FCRL2: variants seen among roughly 807,000 people sequenced by gnomAD.
The protein encoded by FCRL2 is Fc receptor like 2, also known as Fc receptor-like protein 2.
In FCRL2, 48 loss-of-function variants were observed where a neutral mutation model predicts 59.8. The ratio of observed to expected loss-of-function variants is 0.80; its 90% confidence interval spans 0.64 to 1.02. FCRL2 has a LOEUF of 1.02. Among genes scored for constraint, FCRL2 ranks in the 50% least tolerant of loss-of-function variants. The pLI is 0.00. For synonymous variants in FCRL2, 251 were observed against 229.5 expected (o/e 1.09, Z -0.85); for missense variants, 658 against 597.3 (o/e 1.10, Z -1.06).
At chr1:157,761,602 T>G (rs1272009592) in intron 7 of FCRL2, among the ~76,000 whole-genome samples, 10 of 152,036 alleles carry the variant, frequency 6.6e-5, no homozygotes, top group Non-Finnish European at 1.5e-5. Context: ...GAGCAAGACC[T>G]TGTCTCCCCC....
At chr1:157,767,846 T>A in intron 5 of FCRL2, 1 of 650,248 alleles carries the variant, frequency 1.5e-6, no homozygotes, top group Non-Finnish European at 2.3e-6. Flanking sequence ...TATAATATTA[T>A]AGTTGTTCCT....
At chr1:157,765,195 G>A (rs946074759) in intron 7 of FCRL2, among the ~76,000 whole-genome samples, 3 of 152,158 alleles carry the variant, frequency 2.0e-5, no homozygotes, top group Non-Finnish European at 4.4e-5. Flanking sequence ...AAAGTCTACA[G>A]GAGATGGATA....
At chr1:157,768,130 C>A (rs563461065) in intron 5 of FCRL2, 21 of 360,896 alleles carry the variant, frequency 5.8e-5, no homozygotes, top group African/African-American at 4.4e-4. Flanking sequence ...CCATGACACT[C>A]CCTGGCCCAG....
chr1:157,773,869 C>A (rs1029303546), intron 2 of FCRL2, among the ~76,000 whole-genome samples: 1 of 152,164 alleles, frequency 6.6e-6, no homozygotes, highest in Non-Finnish European at 1.5e-5. Flanking sequence ...GCTCTACCTG[C>A]AGAGGTGCCC....
In FCRL2 at chr1:157,767,408, G is replaced by A; in HGVS notation, c.985C>T (p.Pro329Ser). 6.2e-7 allele frequency: 1 copy of A among 1,614,226 alleles called. No individual in the cohort carries two copies. The highest frequency in any genetic ancestry group is 8.5e-7 in the Non-Finnish European group (1 of 1,180,034). ...LHCEALRGSP[P>S]ILYQFYHEDV... is the part of the protein sequence containing the mutation. ...TCATGATAAAATTGGTACAAGATTG[G>A]GGGAGAGCCTCTCAGGGCCTCACAG... The change falls in exon 6 of 12, where the codon CCA (proline) becomes TCA (serine). Residue 329 changes from proline to serine, a missense_variant. Transcript: ENST00000361516.
chr1:157,771,567 T>C (rs1650024989), intron 2 of FCRL2, among the ~76,000 whole-genome samples: 1 of 152,234 alleles, frequency 6.6e-6, no homozygotes, highest in Non-Finnish European at 1.5e-5. Context: ...CAAGGCTTAG[T>C]TCCTAGAGAC....
chr1:157,775,857 T>C (rs538844565), intron 1 of FCRL2, 62 bp from the exon 2 acceptor site: 12 of 1,568,502 alleles, frequency 7.7e-6, no homozygotes, highest in Non-Finnish European at 9.6e-6. Flanking sequence ...TTTATAAATT[T>C]ATATTACTCT....
chr1:157,746,808 G>C, intron 11 of FCRL2, 34 bp from the exon 12 acceptor site: 1 of 1,613,614 alleles, frequency 6.2e-7, no homozygotes, highest in Non-Finnish European at 8.5e-7. Context: ...AGACTGAGGT[G>C]ATCAAGAAAA....
intron 1 of FCRL2, among the ~76,000 whole-genome samples, chr1:157,776,581 T>G (rs1407004840): frequency 6.6e-6 from 1 of 152,158 alleles, no homozygotes; most frequent in Non-Finnish European, 1.5e-5. Context: ...GAATCTTATT[T>G]TCTAGCAGCA....
chr1:157,771,659 C>G (rs756576254), intron 2 of FCRL2, among the ~76,000 whole-genome samples: 1 of 152,166 alleles, frequency 6.6e-6, no homozygotes, highest in Non-Finnish European at 1.5e-5. Context: ...CACAGGTTCT[C>G]TAATTTTGAC....
At position 157,770,052 on chromosome 1, in the gene FCRL2, A is replaced by AGT. The variant is rs755239451; in HGVS notation, c.408_409insAC (p.Leu137ThrfsTer47). The AGT allele has an allele frequency of 1.1e-5, 17 of 1,614,012 alleles. No homozygotes were observed. Among genetic ancestry groups the AGT allele is most frequent in the Non-Finnish European group, 1.4e-5 (16 of 1,179,994 alleles). On this transcript the variant is annotated frameshift_variant, in exon 4 of 12. Transcript: ENST00000361516. LOFTEE classifies it high-confidence loss of function. The stretch of plus-strand genomic sequence containing the variant: ...AAGCAGAACTGGAGTTGAACATCCA[A>AGT]CCTCTGTGGAGAGAGCCGGGTCTCA...
chr1:157,769,977 G>A lies in FCRL2; in HGVS notation c.484C>T (p.Leu162Phe). The A allele has an allele frequency of 6.2e-7, 1 of 1,614,170 alleles. No homozygotes were observed. The highest frequency in any genetic ancestry group is 8.5e-7 in the Non-Finnish European group (1 of 1,180,026). ...TCACTCCACACGGCAGAAATCTGGAGCTCCGGAGAGCTGCTCCAGCCTGAC... is the reference window on the plus strand; with the variant it reads ...TCACTCCACACGGCAGAAATCTGGAACTCCGGAGAGCTGCTCCAGCCTGAC... ...LGSGWSSSPE[L>F]QISAVWSEDT... Residue 162 changes from leucine to phenylalanine, a missense_variant, in exon 4 of 12, where the codon CTC becomes TTC. Leu to Phe is a conservative substitution (Grantham distance 22). Coordinates refer to ENST00000361516, the MANE Select transcript of FCRL2 (RefSeq NM_030764.4).
At chr1:157,760,694 A>AGAAGGAAG (rs1341051035) in intron 7 of FCRL2, among the ~76,000 whole-genome samples, 3 of 113,680 alleles carry the variant, frequency 2.6e-5, no homozygotes, top group Non-Finnish European at 5.4e-5. Flanking sequence ...AAAGAAAGAA[A>AGAAGGAAG]GAAGGAAAGA....
At chr1:157,770,234 C>A (rs767438314) in intron 3 of FCRL2, 84 bp from the exon 4 acceptor site, 2 of 1,519,998 alleles carry the variant, frequency 1.3e-6, no homozygotes, top group Non-Finnish European at 1.8e-6. Context: ...GCAACCCCAG[C>A]AAACAGGACA....
rs1649911323 is a variant in FCRL2 at position 157,770,434 on chromosome 1, T to G, written c.285A>C (p.Ser95=). Residue 95 remains serine (S), a synonymous_variant, in exon 3 of 12, where the codon TCA becomes TCC. Transcript: ENST00000361516. ...KGQLFLWDKT[S]NIVKIKVQEL... ...CTTGGACTTTTATCTTTACTATATTTGAAGTTTTATCCCAGAGAAAGAGTT... is the reference window on the plus strand; with the variant it reads ...CTTGGACTTTTATCTTTACTATATTGGAAGTTTTATCCCAGAGAAAGAGTT... The G allele has an allele frequency of 6.2e-7, 1 of 1,613,780 alleles. No individual in the cohort carries two copies. Among genetic ancestry groups the G allele is most frequent in the Non-Finnish European group, 8.5e-7 (1 of 1,179,954 alleles).
chr1:157,764,161 G>A (rs1249580090), intron 7 of FCRL2, among the ~76,000 whole-genome samples: 8 of 151,646 alleles, frequency 5.3e-5, no homozygotes, highest in East Asian at 1.9e-4. Flanking sequence ...CAGAGATTGC[G>A]CCACCGCACT....
At chr1:157,764,807 G>A (rs1314712451) in intron 7 of FCRL2, among the ~76,000 whole-genome samples, 2 of 151,994 alleles carry the variant, frequency 1.3e-5, no homozygotes, top group African/African-American at 4.8e-5. Flanking sequence ...AAAACCTGTG[G>A]GATACAGCAA....
rs777925139 is a variant in FCRL2, at chr1:157,770,647, C to T, written c.72G>A (p.Ala24=). The change falls in exon 3 of 12, where the codon GCG becomes GCA. Residue 24 remains alanine (A), a synonymous_variant. Coordinates refer to ENST00000361516, the MANE Select transcript of FCRL2 (RefSeq NM_030764.4). ...TGTCTCCTTCGAAGACAGAAGAGGG[C>T]GCCACAAGGGTCAGCGAATCTGGAA... ...TEQADSLTLV[A]PSSVFEGDSI... is the part of the protein sequence containing the mutation. 1.1e-5 allele frequency: 18 copies of T among 1,613,966 alleles called. No individual in the cohort carries two copies. Among genetic ancestry groups the T allele is most frequent in the African/African-American group, 4.0e-5 (3 of 74,902 alleles).
At position 157,771,696 on chromosome 1, in the gene FCRL2, C is replaced by T. The variant is rs780544587; in HGVS notation, c.53-1030G>A. 8.3e-4 allele frequency among the ~76,000 whole-genome samples: 127 copies of T among 152,116 alleles called. 1 individual carries two copies. The highest frequency in any genetic ancestry group is 1.8e-4 in the Non-Finnish European group (12 of 68,022). ...CCGTCACTTCATTTATTTACGGTACCAGACTATGTTTTGTGTCTATGACAT... is the reference window on the plus strand; with the variant it reads ...CCGTCACTTCATTTATTTACGGTACTAGACTATGTTTTGTGTCTATGACAT... On this transcript the variant is annotated intron_variant, in intron 2 of 11. Coordinates refer to ENST00000361516, the MANE Select transcript of FCRL2 (RefSeq NM_030764.4).
Sources: allele counts gnomAD v4.1 joint callset (sites outside exome capture counted in the v4.1 genomes callset), GRCh38; gene constraint gnomAD v4.1.1; transcripts MANE v1.5; gene names NCBI Gene and HGNC (gene_info 2026-07-23, HGNC 2026-07-21).